Variants in BMAL1 observed in about 807,000 individuals in gnomAD.
The protein encoded by BMAL1 is basic helix-loop-helix ARNT like 1.
At chr11:13,377,061 A>G in the BMAL1 span, among the ~76,000 whole-genome samples, 30,405 of 152,040 alleles carry the variant, frequency 0.2, 3,122 homozygotes, top group Admixed American at 0.24. Flanking sequence ...GACTGTCACT[A>G]ACTCCTGTGG....
chr11:13,380,936 G>A, the BMAL1 span: 3 of 509,536 alleles, frequency 5.9e-6, no homozygotes, highest in South Asian at 5.3e-5. Flanking sequence ...TTGGAACACA[G>A]CCACACCGAT....
At chr11:13,324,525 G>A in the BMAL1 span, among the ~76,000 whole-genome samples, 3 of 152,070 alleles carry the variant, frequency 2.0e-5, no homozygotes, top group Admixed American at 6.5e-5. Context: ...AAAAAGCACC[G>A]TTCTGCCCCC....
the BMAL1 span, chr11:13,354,208 CCACCAAA>C: frequency 6.1e-6 from 6 of 985,858 alleles, no homozygotes; most frequent in Admixed American, 8.7e-5. Context: ...CGGCCCCCCA[CCACCAAA>C]CCCCCAAGCA....
the BMAL1 span, among the ~76,000 whole-genome samples, chr11:13,362,135 C>G: frequency 6.6e-6 from 1 of 152,136 alleles, no homozygotes; most frequent in African/African-American, 2.4e-5. Flanking sequence ...TGCATTTGCT[C>G]GATTCCTTCC....
chr11:13,312,016 GA>G, the BMAL1 span, among the ~76,000 whole-genome samples: 2 of 152,180 alleles, frequency 1.3e-5, no homozygotes, highest in African/African-American at 4.8e-5. Context: ...TGAGTATTTT[GA>G]GTGTACCTTC....
the BMAL1 span, among the ~76,000 whole-genome samples, chr11:13,290,236 A>T: frequency 6.6e-6 from 1 of 152,172 alleles, no homozygotes; most frequent in African/African-American, 2.4e-5. Context: ...TTTAAAGATG[A>T]TTACATTTCA....
the BMAL1 span, among the ~76,000 whole-genome samples, chr11:13,348,799 T>C: frequency 6.6e-6 from 1 of 152,176 alleles, no homozygotes; most frequent in Non-Finnish European, 1.5e-5. Flanking sequence ...CAATGGGGAA[T>C]GAATGCCTTG....
chr11:13,356,065 C>CT, the BMAL1 span, among the ~76,000 whole-genome samples: 5 of 152,146 alleles, frequency 3.3e-5, no homozygotes, highest in Non-Finnish European at 7.4e-5. Flanking sequence ...TGCAACGAAA[C>CT]TTGGTTTTCT....
At chr11:13,334,352 C>A in the BMAL1 span, among the ~76,000 whole-genome samples, 1 of 152,166 alleles carries the variant, frequency 6.6e-6, no homozygotes. Flanking sequence ...TAGACAGGAG[C>A]CTTAGTTGAA....
chr11:13,290,559 A>ATGTTGTTATTATTAT, the BMAL1 span, among the ~76,000 whole-genome samples: 2 of 149,056 alleles, frequency 1.3e-5, no homozygotes, highest in African/African-American at 5.0e-5. Context: ...ACAAGTGTAT[A>ATGTTGTTATTATTAT]TATTATTATT....
At chr11:13,378,439 T>C in the BMAL1 span, 1 of 1,611,472 alleles carries the variant, frequency 6.2e-7, no homozygotes, top group Non-Finnish European at 8.5e-7. Flanking sequence ...ATCATGGAAA[T>C]CCACAGGCAA....
chr11:13,369,996 TTG>T, the BMAL1 span, among the ~76,000 whole-genome samples: 7 of 152,298 alleles, frequency 4.6e-5, no homozygotes, highest in South Asian at 2.1e-4. Context: ...TCTGTTTAAA[TTG>T]TGTTTCTTTT....
chr11:13,373,101 T>C, the BMAL1 span, among the ~76,000 whole-genome samples: 11 of 152,238 alleles, frequency 7.2e-5, no homozygotes, highest in African/African-American at 1.2e-4. Context: ...TAGCCTCCCA[T>C]GTGGCTAACG....
chr11:13,277,352 C>A, the BMAL1 span, among the ~76,000 whole-genome samples: 1 of 152,166 alleles, frequency 6.6e-6, no homozygotes, highest in African/African-American at 2.4e-5. Context: ...TCCCGGGCGA[C>A]CCCGAGGAGC....
the BMAL1 span, among the ~76,000 whole-genome samples, chr11:13,344,077 G>T: frequency 6.6e-6 from 1 of 152,122 alleles, no homozygotes; most frequent in Non-Finnish European, 1.5e-5. Flanking sequence ...AAGTACCACT[G>T]CATATAGTGC....
the BMAL1 span, chr11:13,376,505 T>C: frequency 2.4e-6 from 2 of 838,770 alleles, no homozygotes; most frequent in Non-Finnish European, 4.1e-6. Context: ...GAGACCTGTT[T>C]ACCCACTCAG....
At chr11:13,377,674 C>T in the BMAL1 span, among the ~76,000 whole-genome samples, 17 of 152,212 alleles carry the variant, frequency 1.1e-4, no homozygotes, top group Non-Finnish European at 2.4e-4. Context: ...TTCGTTAGTA[C>T]GGCATCCAAG....
the BMAL1 span, among the ~76,000 whole-genome samples, chr11:13,358,022 C>T: frequency 2.0e-5 from 3 of 152,224 alleles, no homozygotes; most frequent in Non-Finnish European, 2.9e-5. Context: ...ACACAGCGGG[C>T]TCCTCACAGA....
chr11:13,344,364 T>G, the BMAL1 span, among the ~76,000 whole-genome samples: 1 of 152,242 alleles, frequency 6.6e-6, no homozygotes, highest in Non-Finnish European at 1.5e-5. Context: ...TATCTGCCAC[T>G]TCTAAACCCC....
Sources: gnomAD v4.1 joint callset for allele counts (sites outside exome capture counted in the v4.1 genomes callset) on GRCh38, gnomAD v4.1.1 for gene constraint, MANE v1.5 for transcripts, NCBI Gene and HGNC (gene_info 2026-07-23, HGNC 2026-07-21) for gene names.